Variants in FBXL17 observed in about 807,000 individuals in gnomAD.
FBXL17 encodes the protein F-box/LRR-repeat protein 17.
Under a neutral mutation model 66.2 loss-of-function variants are expected in FBXL17, and 22 were observed. The observed-to-expected ratio is 0.33, with a 90% confidence interval of 0.24 to 0.47. The LOEUF is 0.47. Ranked by LOEUF, FBXL17 falls within the 20% of genes least tolerant of loss-of-function variation. The pLI is 1.00. For missense variants in FBXL17, 878 were observed against 948.2 expected (o/e 0.93, Z 0.97); for synonymous variants, 474 against 400.5 (o/e 1.18, Z -2.19).
intron 6 of FBXL17, among the ~76,000 whole-genome samples, chr5:108,068,677 T>C (rs560624004): frequency 6.6e-6 from 1 of 152,214 alleles, no homozygotes; most frequent in Non-Finnish European, 1.5e-5. Context: ...CAGGATGGTC[T>C]CGATCTCCTG....
At chr5:108,053,379 CA>C (rs1447332624) in intron 6 of FBXL17, among the ~76,000 whole-genome samples, 1 of 151,832 alleles carries the variant, frequency 6.6e-6, no homozygotes, top group Non-Finnish European at 1.5e-5. Flanking sequence ...AAAAAGTGGG[CA>C]AAGGATATGA....
chr5:108,177,714 G>T (rs923241769), intron 6 of FBXL17, among the ~76,000 whole-genome samples: 1 of 151,894 alleles, frequency 6.6e-6, no homozygotes. Context: ...TCCAGTCTTG[G>T]TTCCTCTAGT....
At chr5:108,127,632 T>C (rs1466257552) in intron 6 of FBXL17, among the ~76,000 whole-genome samples, 1 of 152,178 alleles carries the variant, frequency 6.6e-6, no homozygotes, top group Non-Finnish European at 1.5e-5. Flanking sequence ...TGAAGCATGG[T>C]ATTGTTTCCA....
intron 3 of FBXL17, 128 bp from the exon 4 acceptor site, chr5:108,348,658 AG>A: frequency 1.1e-6 from 1 of 948,890 alleles, no homozygotes; most frequent in Non-Finnish European, 1.5e-6. Flanking sequence ...TTGTAAAATA[AG>A]ATAGAATGTA....
intron 7 of FBXL17, among the ~76,000 whole-genome samples, chr5:107,958,349 G>C (rs2112621552): frequency 1.3e-5 from 2 of 152,054 alleles, no homozygotes; most frequent in South Asian, 4.2e-4. Context: ...TTTAGTTTAT[G>C]GACTAATATA....
intron 6 of FBXL17, among the ~76,000 whole-genome samples, chr5:108,030,928 G>C (rs567104660): frequency 1.8e-4 from 28 of 152,024 alleles, no homozygotes; most frequent in Non-Finnish European, 1.0e-4. Context: ...AAAAAATAAA[G>C]TTAGAGCATA....
chr5:108,274,261 C>T (rs1241113469), intron 4 of FBXL17, among the ~76,000 whole-genome samples: 1 of 152,110 alleles, frequency 6.6e-6, no homozygotes, highest in Non-Finnish European at 1.5e-5. Flanking sequence ...TCTGCAGTCT[C>T]GACCATAAGA....
At position 107,974,757 on chromosome 5, in the gene FBXL17, A is replaced by G. The variant is rs57244056; in HGVS notation, c.1822+46168T>C. Among the ~76,000 whole-genome samples the G allele has an allele frequency of 2.6e-3, 392 of 152,212 alleles. 2 individuals are homozygous for G. The highest frequency in any genetic ancestry group is 9.0e-3 in the African/African-American group (372 of 41,536). ...GCTTATTAGATATTTACAAAACTGCACAGAAATAGGTAAAGGGAGAGTTAA... is the reference window on the plus strand; with the variant it reads ...GCTTATTAGATATTTACAAAACTGCGCAGAAATAGGTAAAGGGAGAGTTAA... On this transcript the variant is annotated intron_variant, in intron 7 of 8. Coordinates refer to ENST00000542267, the MANE Select transcript of FBXL17 (RefSeq NM_001163315.3).
chr5:108,092,939 A>G (rs1749239209), intron 6 of FBXL17, among the ~76,000 whole-genome samples: 1 of 152,236 alleles, frequency 6.6e-6, no homozygotes, highest in Admixed American at 6.5e-5. Context: ...TTATATAAAC[A>G]TATAATCAAT....
intron 7 of FBXL17, among the ~76,000 whole-genome samples, chr5:107,940,108 A>T (rs1372345895): frequency 6.6e-6 from 1 of 152,180 alleles, no homozygotes; most frequent in Non-Finnish European, 1.5e-5. Flanking sequence ...AGATAATGAA[A>T]TTGACACTAG....
At chr5:108,333,764 T>C (rs777299246) in intron 4 of FBXL17, among the ~76,000 whole-genome samples, 21 of 152,132 alleles carry the variant, frequency 1.4e-4, no homozygotes, top group Non-Finnish European at 1.5e-4. Flanking sequence ...CCCAATGAGA[T>C]TGTCTCTTTA....
intron 6 of FBXL17, among the ~76,000 whole-genome samples, chr5:108,073,328 T>C (rs771742605): frequency 3.9e-5 from 6 of 152,118 alleles, no homozygotes; most frequent in Non-Finnish European, 8.8e-5. Context: ...ATTAACACCC[T>C]GCTTAGTTTC....
At chr5:107,948,916 G>A (rs1751403690) in intron 7 of FBXL17, among the ~76,000 whole-genome samples, 1 of 152,184 alleles carries the variant, frequency 6.6e-6, no homozygotes, top group South Asian at 2.1e-4. Flanking sequence ...CATTCGCTCT[G>A]TGTGTAACAC....
chr5:108,325,346 A>G (rs1759801190), intron 4 of FBXL17, among the ~76,000 whole-genome samples: 1 of 152,154 alleles, frequency 6.6e-6, no homozygotes, highest in Admixed American at 6.5e-5. Flanking sequence ...TTTACCAAGT[A>G]AGTAGAATGC....
At chr5:107,959,603 T>C (rs1751815854) in intron 7 of FBXL17, among the ~76,000 whole-genome samples, 4 of 152,264 alleles carry the variant, frequency 2.6e-5, no homozygotes, top group South Asian at 4.2e-4. Flanking sequence ...CCACATCTTG[T>C]TTATATTTTA....
chr5:108,023,538 GC>G (rs1245406620), intron 6 of FBXL17, among the ~76,000 whole-genome samples: 3 of 152,142 alleles, frequency 2.0e-5, no homozygotes, highest in Non-Finnish European at 4.4e-5. Flanking sequence ...TTCCCTGGCA[GC>G]ATGTGGTGAT....
At chr5:108,334,155 A>T (rs1157188796) in intron 4 of FBXL17, among the ~76,000 whole-genome samples, 1 of 152,170 alleles carries the variant, frequency 6.6e-6, no homozygotes, top group African/African-American at 2.4e-5. Flanking sequence ...ATTAAGGTTA[A>T]AAAATAAATA....
chr5:108,249,438 T>TCATTC (rs1299768358), intron 4 of FBXL17, among the ~76,000 whole-genome samples: 1 of 152,192 alleles, frequency 6.6e-6, no homozygotes, highest in Admixed American at 6.6e-5. Context: ...ATATACTGCC[T>TCATTC]CATTCTGTAC....
intron 6 of FBXL17, among the ~76,000 whole-genome samples, chr5:108,037,252 T>C (rs1163823221): frequency 1.3e-5 from 2 of 152,134 alleles, no homozygotes; most frequent in East Asian, 1.9e-4. Flanking sequence ...TAAAGTGCCA[T>C]TAATTTCAAG....
Sources: gnomAD v4.1 joint callset for allele counts (sites outside exome capture counted in the v4.1 genomes callset) on GRCh38, gnomAD v4.1.1 for gene constraint, MANE v1.5 for transcripts, NCBI Gene and HGNC (gene_info 2026-07-23, HGNC 2026-07-21) for gene names.